C6orf58: variants seen among roughly 807,000 people sequenced by gnomAD.
C6orf58 encodes the protein protein LEG1 homolog.
In C6orf58, 30 loss-of-function variants were observed where a neutral mutation model predicts 37.0. The observed-to-expected ratio is 0.81, with a 90% CI of 0.61 to 1.10. The LOEUF (loss-of-function observed/expected upper bound fraction) is 1.10. Among genes scored for constraint, C6orf58 ranks in the 50% least tolerant of loss-of-function variants. C6orf58 has a pLI of 0.00. For missense variants in C6orf58, 368 were observed against 387.5 expected, an observed-to-expected ratio of 0.95 and a Z score of 0.42; for synonymous variants, 143 against 134.1, an observed-to-expected ratio of 1.07 and a Z score of -0.46.
At chr6:127,581,963 T>C (rs1721283489) in intron 4 of C6orf58, among the ~76,000 whole-genome samples, 1 of 152,216 alleles carries the variant, frequency 6.6e-6, no homozygotes, top group South Asian at 2.1e-4. Flanking sequence ...GTTTACAAAC[T>C]ACATTAAGTT....
intron 4 of C6orf58, among the ~76,000 whole-genome samples, chr6:127,585,031 A>C (rs1336564105): frequency 6.6e-6 from 1 of 152,160 alleles, no homozygotes; most frequent in Non-Finnish European, 1.5e-5. Flanking sequence ...TCTCTTCCTA[A>C]CAGTTCTGGG....
intron 2 of C6orf58, among the ~76,000 whole-genome samples, chr6:127,579,389 C>A (rs1172615956): frequency 6.6e-6 from 1 of 152,014 alleles, no homozygotes; most frequent in Non-Finnish European, 1.5e-5. Context: ...TTTTTCAGGG[C>A]AACACACATC....
In C6orf58 at chr6:127,584,718, G is replaced by A. The variant is rs1281680707; in HGVS notation, c.674+3436G>A. On this transcript the variant is annotated intron_variant, in intron 4 of 5. Coordinates refer to ENST00000329722, the MANE Select transcript of C6orf58 (RefSeq NM_001010905.3). ...GAACCCGGGAGGCAGAGGTTGCAGT[G>A]AGCTGAGATTGCACCACTGCACTCC... Among the ~76,000 whole-genome samples the A allele has an allele frequency of 2.6e-5, 4 of 151,140 alleles. No homozygotes were observed. The East Asian group carries it at 7.8e-4, about 29-fold the overall frequency.
rs376869700 is a variant in C6orf58, at chr6:127,580,876, A to T, written c.574-306A>T. On this transcript the variant is annotated intron_variant, in intron 3 of 5. Transcript: ENST00000329722. ...TTTTAAGAAGATATTTTTGTTACTC[A>T]CGATTTTATGGTAATTTTAACAGTG... Among the ~76,000 whole-genome samples, 157 of 152,188 alleles carry T rather than the reference A, an allele frequency of 1.0e-3. 1 individual carries two copies. The highest frequency in any genetic ancestry group is 3.6e-3 in the African/African-American group (149 of 41,556).
chr6:127,582,537 T>C (rs1211488329), intron 4 of C6orf58, among the ~76,000 whole-genome samples: 1 of 152,226 alleles, frequency 6.6e-6, no homozygotes. Context: ...TTACCTAATA[T>C]GCCTTTAGCA....
At chr6:127,578,624 A>G (rs572526006) in intron 1 of C6orf58, 62 bp from the exon 2 acceptor site, 3 of 1,135,920 alleles carry the variant, frequency 2.6e-6, no homozygotes, top group South Asian at 2.6e-5. Context: ...TGGTTAAGCA[A>G]TAGTTACAGC....
chr6:127,588,955 C>T (rs185166589), intron 4 of C6orf58, among the ~76,000 whole-genome samples: 18 of 152,222 alleles, frequency 1.2e-4, no homozygotes, highest in African/African-American at 4.1e-4. Context: ...ACTCTGCCCA[C>T]CCTACCACTT....
chr6:127,585,162 T>C (rs1775094102), intron 4 of C6orf58, among the ~76,000 whole-genome samples: 2 of 152,320 alleles, frequency 1.3e-5, no homozygotes, highest in Admixed American at 6.5e-5. Flanking sequence ...TTACTTATTA[T>C]TTGACAATGC....
chr6:127,578,794 A>C (rs1422378794), intron 2 of C6orf58, 22 bp downstream of exon 2: 1 of 1,537,418 alleles, frequency 6.5e-7, no homozygotes, highest in Non-Finnish European at 9.0e-7. Flanking sequence ...TAAGTGGCAA[A>C]ATAGATATTA....
chr6:127,581,214 T>C lies in C6orf58; in HGVS notation c.606T>C (p.Asp202=), dbSNP rs1250974640. 1.3e-6 allele frequency: 2 copies of C among 1,521,964 alleles called. No individual in the cohort carries two copies. The highest frequency in any genetic ancestry group is 2.4e-5 in the East Asian group (1 of 41,488). 94.3% of individuals were successfully genotyped at this position (1,521,964 alleles called of 1,614,324 possible). The change falls in exon 4 of 6, where the codon GAT becomes GAC. Residue 202 remains aspartate (D), a synonymous_variant. Coordinates refer to ENST00000329722, the MANE Select transcript of C6orf58 (RefSeq NM_001010905.3). ...AGTCACCTTTTAGTAAGTTTGATGA[T>C]CTGTTGAAGTACTTATGGGCTGCAC... ...YLQSPFSKFD[D]LLKYLWAAHT...
chr6:127,585,953 TA>T, intron 4 of C6orf58, among the ~76,000 whole-genome samples: 1 of 152,332 alleles, frequency 6.6e-6, no homozygotes, highest in South Asian at 2.1e-4. Flanking sequence ...TCATATATTA[TA>T]GCTTTTCTTA....
rs570373377 is a variant in C6orf58 at position 127,586,334 on chromosome 6, A to G, written c.675-3753A>G. 4.6e-5 allele frequency among the ~76,000 whole-genome samples: 7 copies of G among 151,910 alleles called. No homozygotes were observed. The East Asian group carries it at 1.0e-3, about 22-fold the overall frequency. Reference sequence around the variant, plus strand: ...GAATGGAATTTATGGGGCAAAAAGGAAAAAGGAAAAATAATTCTCAGCAAA... The same window carrying G: ...GAATGGAATTTATGGGGCAAAAAGGGAAAAGGAAAAATAATTCTCAGCAAA... On this transcript the variant is annotated intron_variant, in intron 4 of 5. Coordinates refer to ENST00000329722, the MANE Select transcript of C6orf58 (RefSeq NM_001010905.3).
In C6orf58 at chr6:127,577,323, G is replaced by A. The variant is rs1233114548; in HGVS notation, c.138G>A (p.Glu46=). 2 of 1,613,580 alleles carry A rather than the reference G, an allele frequency of 1.2e-6. No homozygotes were observed. The highest frequency in any genetic ancestry group is 2.2e-5 in the South Asian group (2 of 91,076). Residue 46 remains glutamate (E), a synonymous_variant, in exon 1 of 6, where the codon GAG becomes GAA. Transcript: ENST00000329722. Reference sequence around the variant, plus strand: ...GTCAGCTCAGTGACTACAGGGTGGAGAACAGCATGTACATTATTAATCCCT... The same window carrying A: ...GTCAGCTCAGTGACTACAGGGTGGAAAACAGCATGTACATTATTAATCCCT... The part of the protein sequence containing the change: ...SPGQLSDYRV[E]NSMYIINPWV...
At position 127,577,233 on chromosome 6, in the gene C6orf58, T is replaced by G. The variant is rs896580457; in HGVS notation, c.48T>G (p.Ser16=). The change falls in exon 1 of 6, where the codon TCT becomes TCG. Residue 16 remains serine, a synonymous_variant. Coordinates refer to ENST00000329722, the MANE Select transcript of C6orf58 (RefSeq NM_001010905.3). ...SWVCVLVGSF[S]ASLAGTSNLS... Reference sequence around the variant, plus strand: ...TTTGTGTACTAGTTGGTTCCTTTTCTGCTTCCTTAGCAGGGACTTCCAATC... The same window carrying G: ...TTTGTGTACTAGTTGGTTCCTTTTCGGCTTCCTTAGCAGGGACTTCCAATC... 2 of 1,613,636 alleles carry G rather than the reference T, an allele frequency of 1.2e-6. No individual in the cohort carries two copies. Among genetic ancestry groups the G allele is most frequent in the Non-Finnish European group, 1.7e-6 (2 of 1,179,668 alleles).
chr6:127,582,983 T>G (rs1476624487), intron 4 of C6orf58, among the ~76,000 whole-genome samples: 1 of 152,174 alleles, frequency 6.6e-6, no homozygotes, highest in Non-Finnish European at 1.5e-5. Flanking sequence ...GAGTCAGCAT[T>G]AGTAATATTT....
intron 5 of C6orf58, 127 bp from the exon 6 acceptor site, chr6:127,591,416 A>G (rs2114303277): frequency 1.2e-5 from 10 of 866,596 alleles, no homozygotes; most frequent in Non-Finnish European, 1.6e-5. Context: ...TTTTCTTTGT[A>G]TAATTTATGA....
chr6:127,590,419 G>A (rs957903478), intron 5 of C6orf58, 94 bp downstream of exon 5: 12 of 783,654 alleles, frequency 1.5e-5, no homozygotes, highest in Admixed American at 9.4e-5. Context: ...AAACATTACA[G>A]CACTCCAAAA....
chr6:127,578,392 G>A (rs1405136910), intron 1 of C6orf58, among the ~76,000 whole-genome samples: 2 of 152,020 alleles, frequency 1.3e-5, no homozygotes, highest in Non-Finnish European at 2.9e-5. Flanking sequence ...TATGCATATT[G>A]CTTCATAGTT....
intron 2 of C6orf58, among the ~76,000 whole-genome samples, chr6:127,579,698 A>G (rs1487599134): frequency 6.6e-6 from 1 of 152,114 alleles, no homozygotes; most frequent in African/African-American, 2.4e-5. Flanking sequence ...AAATGTGAAA[A>G]TAGTCATGTT....
Sources: allele counts gnomAD v4.1 joint callset (sites outside exome capture counted in the v4.1 genomes callset), GRCh38; gene constraint gnomAD v4.1.1; transcripts MANE v1.5; gene names NCBI Gene and HGNC (gene_info 2026-07-23, HGNC 2026-07-21).